The following ATRNL1 variants were observed in gnomAD, a reference collection of about 807,000 sequenced individuals.
The protein encoded by ATRNL1 is attractin like 1.
In ATRNL1, 95 loss-of-function variants were observed where a neutral mutation model predicts 182.7. The observed-to-expected ratio is 0.52, with a 90% confidence interval of 0.44 to 0.62. The LOEUF is 0.62. Ranked by LOEUF, ATRNL1 falls within the 20% of genes least tolerant of loss-of-function variation. ATRNL1 has a pLI of 0.00. For synonymous variants in ATRNL1, 576 were observed against 568.3 expected, an observed-to-expected ratio of 1.01 and a Z score of -0.19; for missense variants, 1,471 against 1,679.5, an observed-to-expected ratio of 0.88 and a Z score of 2.17.
chr10:115,657,440 C>G (rs146042816), intron 26 of ATRNL1, among the ~76,000 whole-genome samples: 2 of 152,232 alleles, frequency 1.3e-5, no homozygotes, highest in Non-Finnish European at 2.9e-5. Flanking sequence ...GAAGTCTTCT[C>G]TTAAAATGCA....
chr10:115,235,807 A>T (rs76762697), intron 9 of ATRNL1, among the ~76,000 whole-genome samples: 1,732 of 152,104 alleles, frequency 0.011, 28 homozygotes, highest in African/African-American at 0.039. Flanking sequence ...TTATTGGGAG[A>T]TACTTTCAGA....
At chr10:115,113,708 A>G (rs541527454) in intron 1 of ATRNL1, among the ~76,000 whole-genome samples, 1 of 152,324 alleles carries the variant, frequency 6.6e-6, no homozygotes, top group East Asian at 1.9e-4. Flanking sequence ...CTGTAAGTCC[A>G]TTAAACCTCT....
intron 9 of ATRNL1, among the ~76,000 whole-genome samples, chr10:115,219,226 C>A (rs1592276008): frequency 7.5e-6 from 1 of 133,056 alleles, no homozygotes; most frequent in African/African-American, 2.9e-5. Flanking sequence ...AGTGAGACTC[C>A]ATCTCAAAAA....
At chr10:115,120,717 T>C (rs4752667) in intron 2 of ATRNL1, among the ~76,000 whole-genome samples, 1 of 152,142 alleles carries the variant, frequency 6.6e-6, no homozygotes, top group Admixed American at 6.5e-5. Context: ...AATCTATCTA[T>C]TTAAATGTAT....
chr10:115,231,255 G>A (rs959609057), intron 9 of ATRNL1, among the ~76,000 whole-genome samples: 3 of 152,100 alleles, frequency 2.0e-5, no homozygotes, highest in Non-Finnish European at 4.4e-5. Context: ...GAAGCCAAGA[G>A]CATATTTCAA....
chr10:115,916,454 G>A (rs1236442434), intron 28 of ATRNL1, among the ~76,000 whole-genome samples: 1 of 152,204 alleles, frequency 6.6e-6, no homozygotes, highest in African/African-American at 2.4e-5. Context: ...CAGAGGCAAA[G>A]AAGCAAAATG....
Position 115,467,168 on chromosome 10 carries a change from TG to T in ATRNL1, c.3418-4del, listed in dbSNP as rs782543044. ...TTTTTAACCTTAATATTTTCTTTTC[TG>T]GTAGTCGAACAAAAATCTGGATATA... On this transcript the variant is annotated splice_region_variant and splice_polypyrimidine_tract_variant and intron_variant, in intron 22 of 28. Transcript: ENST00000355044. 34 of 1,590,806 alleles carry T rather than the reference TG, an allele frequency of 2.1e-5. No individual in the cohort carries two copies. Among genetic ancestry groups the T allele is most frequent in the Non-Finnish European group, 2.8e-5 (33 of 1,162,444 alleles).
rs180708703 is a variant in ATRNL1 at position 115,647,078 on chromosome 10, T to G, written c.3796-80170T>G. On this transcript the variant is annotated intron_variant, in intron 26 of 28. Transcript: ENST00000355044. ...TTGGTTTTCTGTCCTTGCGATAGTT[T>G]GCTCAGAATGATGATTTCAGCTTCA... Among the ~76,000 whole-genome samples the G allele has an allele frequency of 4.2e-3, 643 of 151,908 alleles. 8 individuals are homozygous for G. The highest frequency in any genetic ancestry group is 0.015 in the African/African-American group (621 of 41,430).
At position 115,636,229 on chromosome 10, in the gene ATRNL1, G is replaced by A. The variant is rs190689816; in HGVS notation, c.3795+86693G>A. 7.8e-4 allele frequency among the ~76,000 whole-genome samples: 118 copies of A among 152,220 alleles called. 1 individual carries two copies. The highest frequency in any genetic ancestry group is 2.5e-3 in the African/African-American group (103 of 41,558). Reference sequence around the variant, plus strand: ...CACAACAAGGAGATAAACCTTGGTAGCCTCTTTATCCCTTGGTTCCGACAC... The same window carrying A: ...CACAACAAGGAGATAAACCTTGGTAACCTCTTTATCCCTTGGTTCCGACAC... On this transcript the variant is annotated intron_variant, in intron 26 of 28. Transcript: ENST00000355044.
chr10:115,621,276 T>TATATATATATATATATAGAGAGAG (rs1268020830), intron 26 of ATRNL1, among the ~76,000 whole-genome samples: 1 of 47,586 alleles, frequency 2.1e-5, no homozygotes, highest in African/African-American at 7.4e-5. Context: ...TATATATATA[T>TATATATATATATATATAGAGAGAG]AGAGAGAGAG....
chr10:115,177,035 G>A (rs1847537425), intron 8 of ATRNL1, among the ~76,000 whole-genome samples: 1 of 151,684 alleles, frequency 6.6e-6, no homozygotes, highest in African/African-American at 2.4e-5. Context: ...AAAGGATTGA[G>A]CTATAGGGTC....
intron 25 of ATRNL1, among the ~76,000 whole-genome samples, chr10:115,534,664 T>G (rs1851845414): frequency 6.6e-6 from 1 of 152,338 alleles, no homozygotes; most frequent in East Asian, 1.9e-4. Context: ...GTTAGCTGGT[T>G]ATTTTGCTGG....
intron 6 of ATRNL1, among the ~76,000 whole-genome samples, chr10:115,160,687 T>C (rs1485310437): frequency 2.0e-5 from 3 of 151,990 alleles, no homozygotes; most frequent in Non-Finnish European, 2.9e-5. Flanking sequence ...TACTGTTGGC[T>C]CAATAGAGAT....
At chr10:115,138,404 G>C (rs1554877201) in intron 5 of ATRNL1, among the ~76,000 whole-genome samples, 1 of 152,204 alleles carries the variant, frequency 6.6e-6, no homozygotes, top group East Asian at 1.9e-4. Flanking sequence ...TCTCCATGAG[G>C]GCTCTGCCCC....
intron 9 of ATRNL1, among the ~76,000 whole-genome samples, chr10:115,217,929 A>T (rs1554896627): frequency 2.0e-5 from 3 of 151,918 alleles, no homozygotes; most frequent in Non-Finnish European, 4.4e-5. Context: ...ATATTTGTCA[A>T]GTTTGCTATT....
intron 26 of ATRNL1, among the ~76,000 whole-genome samples, chr10:115,605,949 A>T (rs1387011017): frequency 6.6e-6 from 1 of 152,036 alleles, no homozygotes; most frequent in Non-Finnish European, 1.5e-5. Context: ...GAATGAGATG[A>T]TCTTTACTAT....
At chr10:115,422,827 C>G (rs564498185) in intron 20 of ATRNL1, among the ~76,000 whole-genome samples, 3 of 152,022 alleles carry the variant, frequency 2.0e-5, no homozygotes, top group Admixed American at 2.0e-4. Flanking sequence ...TTTGTACATA[C>G]GAACATAAAG....
At chr10:115,524,732 G>A (rs1200769302) in intron 25 of ATRNL1, among the ~76,000 whole-genome samples, 2 of 152,124 alleles carry the variant, frequency 1.3e-5, no homozygotes, top group South Asian at 2.1e-4. Flanking sequence ...CTTAAAGAGT[G>A]GGGAAATGAC....
chr10:115,626,273 G>A (rs1472620563), intron 26 of ATRNL1, among the ~76,000 whole-genome samples: 1 of 152,134 alleles, frequency 6.6e-6, no homozygotes, highest in African/African-American at 2.4e-5. Context: ...GTTGTTTCTG[G>A]AAGGTGGAAG....
Sources: allele counts gnomAD v4.1 joint callset (sites outside exome capture counted in the v4.1 genomes callset), GRCh38; gene constraint gnomAD v4.1.1; transcripts MANE v1.5; gene names NCBI Gene and HGNC (gene_info 2026-07-23, HGNC 2026-07-21).